MYO18B: variants seen among roughly 807,000 people sequenced by gnomAD.
The protein encoded by MYO18B is myosin XVIIIB.
Under a neutral mutation model 273.0 loss-of-function variants are expected in MYO18B, and 204 were observed. The observed-to-expected ratio is 0.75, with a 90% CI of 0.67 to 0.84. The LOEUF (loss-of-function observed/expected upper bound fraction) is 0.84, where lower values mean the gene tolerates loss of function less well. MYO18B is among the 40% of genes least tolerant of loss of function. MYO18B has a pLI of 0.00. For synonymous variants in MYO18B, 1,330 were observed against 1,305.7 expected (o/e 1.02, Z -0.40); for missense variants, 3,212 against 3,287.6 (o/e 0.98, Z 0.56).
intron 21 of MYO18B, among the ~76,000 whole-genome samples, chr22:25,852,909 A>G (rs566704144): frequency 1.3e-5 from 2 of 152,360 alleles, no homozygotes; most frequent in East Asian, 1.9e-4. Flanking sequence ...CAGAAAATAC[A>G]TAGGGGATCC....
At chr22:25,977,350 T>C (rs1014556878) in intron 39 of MYO18B, among the ~76,000 whole-genome samples, 1 of 152,122 alleles carries the variant, frequency 6.6e-6, no homozygotes, top group Admixed American at 6.6e-5. Flanking sequence ...TGTATCTGGG[T>C]TGCTGTGTCT....
intron 25 of MYO18B, among the ~76,000 whole-genome samples, chr22:25,884,030 G>A (rs1401219832): frequency 6.6e-6 from 1 of 152,130 alleles, no homozygotes; most frequent in Non-Finnish European, 1.5e-5. Context: ...CCCCTCTCTG[G>A]AATAGGTTCT....
At chr22:25,770,277 C>A in intron 5 of MYO18B, 101 bp downstream of exon 5, 1 of 1,211,246 alleles carries the variant, frequency 8.3e-7, no homozygotes, top group South Asian at 1.3e-5. Context: ...CTTTGGTGGT[C>A]AGGAGGGAAG....
At position 25,830,116 on chromosome 22, in the gene MYO18B, G is replaced by A. The variant is rs140065100; in HGVS notation, c.2979+1148G>A. Among the ~76,000 whole-genome samples the A allele has an allele frequency of 1.2e-3, 183 of 152,150 alleles. 1 individual carries two copies. In the East Asian group the frequency reaches 0.024, roughly 20 times the overall value. On this transcript the variant is annotated intron_variant, in intron 15 of 43. Coordinates refer to ENST00000335473, the MANE Select transcript of MYO18B (RefSeq NM_032608.7). ...ATAATATAGAATAATAGGTATTGAA[G>A]TTCCAGTCATTTTTTTGGTTGGTAA...
chr22:25,940,237 G>A (rs1169034164), intron 34 of MYO18B, among the ~76,000 whole-genome samples: 1 of 152,120 alleles, frequency 6.6e-6, no homozygotes, highest in African/African-American at 2.4e-5. Context: ...TTTGAATCTT[G>A]GGGAGCAAGT....
intron 13 of MYO18B, among the ~76,000 whole-genome samples, chr22:25,825,378 C>CTAG (rs1479840598): frequency 2.0e-5 from 3 of 152,176 alleles, no homozygotes. Flanking sequence ...CCTCCAGGCA[C>CTAG]TAGTGCGCAC....
At chr22:25,816,534 C>T (rs897238771) in intron 12 of MYO18B, among the ~76,000 whole-genome samples, 3 of 148,588 alleles carry the variant, frequency 2.0e-5, no homozygotes, top group African/African-American at 7.5e-5. Flanking sequence ...TTGTGTTCCC[C>T]GCCCTGTGTC....
the MYO18B span, among the ~76,000 whole-genome samples, chr22:26,060,822 A>G: frequency 7.2e-6 from 1 of 138,050 alleles, no homozygotes; most frequent in East Asian, 2.5e-4. Flanking sequence ...ACACATGCAT[A>G]CATATATACA....
At chr22:25,885,255 A>G (rs2091462221) in intron 25 of MYO18B, among the ~76,000 whole-genome samples, 2 of 152,356 alleles carry the variant, frequency 1.3e-5, no homozygotes, top group South Asian at 2.1e-4. Flanking sequence ...CAGATGAGGC[A>G]AGGGAAGCCC....
At chr22:25,826,204 A>G (rs953716368) in intron 13 of MYO18B, among the ~76,000 whole-genome samples, 3 of 152,180 alleles carry the variant, frequency 2.0e-5, no homozygotes, top group Non-Finnish European at 4.4e-5. Context: ...GGGTGAAGGT[A>G]GGGCAGGTTA....
intron 34 of MYO18B, among the ~76,000 whole-genome samples, chr22:25,925,929 G>A (rs1460304658): frequency 1.4e-5 from 2 of 142,616 alleles, no homozygotes; most frequent in Non-Finnish European, 3.0e-5. Context: ...AAAAAGGCCA[G>A]GTGCGGTGAC....
At chr22:25,863,041 A>G (rs2090784279) in intron 21 of MYO18B, among the ~76,000 whole-genome samples, 1 of 151,818 alleles carries the variant, frequency 6.6e-6, no homozygotes, top group African/African-American at 2.4e-5. Flanking sequence ...GATAGTTTCT[A>G]TTGATCTATT....
At chr22:25,887,866 T>G (rs2146261955) in intron 25 of MYO18B, among the ~76,000 whole-genome samples, 1 of 152,340 alleles carries the variant, frequency 6.6e-6, no homozygotes, top group Non-Finnish European at 1.5e-5. Context: ...ATTAATTGTG[T>G]GGTCCCCTTG....
intron 14 of MYO18B, among the ~76,000 whole-genome samples, chr22:25,827,310 T>A (rs1411457225): frequency 6.6e-6 from 1 of 152,174 alleles, no homozygotes. Flanking sequence ...AATAGCCCAA[T>A]ACATTGCTCT....
intron 12 of MYO18B, among the ~76,000 whole-genome samples, chr22:25,821,111 C>T (rs541553312): frequency 1.1e-4 from 16 of 152,268 alleles, no homozygotes; most frequent in South Asian, 2.1e-4. Context: ...CTCCTGGCTA[C>T]GGTGAATCAT....
intron 1 of MYO18B, chr22:25,756,663 A>G (rs1439916796): frequency 6.6e-6 from 1 of 152,282 alleles, no homozygotes; most frequent in African/African-American, 2.4e-5. Context: ...TCTTGGGCTC[A>G]CCAGCTTCCA....
At chr22:26,007,054 C>T (rs1934493572) in intron 42 of MYO18B, among the ~76,000 whole-genome samples, 1 of 152,184 alleles carries the variant, frequency 6.6e-6, no homozygotes, top group Non-Finnish European at 1.5e-5. Flanking sequence ...TTTCTTTTCC[C>T]TTTCCCCTTC....
In MYO18B at chr22:25,763,126, A is replaced by G. The variant is rs2086383558; in HGVS notation, c.40-105A>G. ...TTCTCATACATGGGCTTGGTCATGT[A>G]TGTCTCCTCCGCCCCCTCCCAGGCT... is the stretch of plus-strand genomic sequence containing the variant. On this transcript the variant is annotated intron_variant, in intron 2 of 43. Transcript: ENST00000335473. 2.3e-5 allele frequency: 31 copies of G among 1,357,578 alleles called. 2 individuals carry two copies. In the South Asian group the frequency reaches 3.2e-4, roughly 14 times the overall value. 84.1% of individuals were successfully genotyped at this position (1,357,578 alleles called of 1,614,324 possible). A position where few individuals can be genotyped will look rare whatever the true frequency, so the allele number is the denominator to read the frequency against.
intron 42 of MYO18B, among the ~76,000 whole-genome samples, chr22:26,018,458 G>T (rs907467588): frequency 6.6e-6 from 1 of 152,096 alleles, no homozygotes; most frequent in Non-Finnish European, 1.5e-5. Flanking sequence ...AGCTAGGGGT[G>T]GGGGAGCTTC....
Sources: gnomAD v4.1 joint callset for allele counts (sites outside exome capture counted in the v4.1 genomes callset) on GRCh38, gnomAD v4.1.1 for gene constraint, MANE v1.5 for transcripts, NCBI Gene and HGNC (gene_info 2026-07-23, HGNC 2026-07-21) for gene names.